Variants in RBFOX1 observed in about 807,000 individuals in gnomAD.
RBFOX1 encodes the protein RNA binding protein fox-1 homolog 1.
RBFOX1 carries 8 observed loss-of-function variants against 57.7 expected under a neutral mutation model. The ratio of observed to expected loss-of-function variants is 0.14; its 90% CI spans 0.08 to 0.25. RBFOX1 has a LOEUF of 0.25. Among genes scored for constraint, RBFOX1 ranks in the 10% least tolerant of loss-of-function variants. RBFOX1 has a pLI of 1.00. For synonymous variants in RBFOX1, 326 were observed against 222.4 expected (o/e 1.47, Z -4.15); for missense variants, 611 against 548.5 (o/e 1.11, Z -1.14).
chr16:5,470,360 C>T (rs549389513), intron 2 of RBFOX1, among the ~76,000 whole-genome samples: 1 of 152,324 alleles, frequency 6.6e-6, no homozygotes, highest in South Asian at 2.1e-4. Context: ...GGTATACCCC[C>T]TTTTCCCACT....
At chr16:7,057,023 A>C in intron 4 of RBFOX1, among the ~76,000 whole-genome samples, 1 of 144,432 alleles carries the variant, frequency 6.9e-6, no homozygotes, top group Admixed American at 6.8e-5. Flanking sequence ...ACTTCGTTAA[A>C]GCACTGAAAA....
chr16:7,515,761 G>C (rs557246972), intron 4 of RBFOX1, among the ~76,000 whole-genome samples: 1 of 152,294 alleles, frequency 6.6e-6, no homozygotes, highest in Non-Finnish European at 1.5e-5. Context: ...AAACCTCTCT[G>C]TTCCTCAGTT....
intron 1 of RBFOX1, among the ~76,000 whole-genome samples, chr16:5,423,827 G>T (rs55875013): frequency 0.31 from 47,741 of 151,986 alleles, 7,628 homozygotes; most frequent in Middle Eastern, 0.34. Context: ...AAGGGCTCTT[G>T]TTGTCTTCTC....
At chr16:6,088,099 G>A (rs1223873290) in intron 1 of RBFOX1, among the ~76,000 whole-genome samples, 2 of 152,122 alleles carry the variant, frequency 1.3e-5, no homozygotes, top group African/African-American at 2.4e-5. Context: ...GAGGTTCACC[G>A]TCTCGTTATT....
chr16:6,107,406 T>C (rs1051102231), intron 1 of RBFOX1, among the ~76,000 whole-genome samples: 3 of 152,108 alleles, frequency 2.0e-5, no homozygotes, highest in Admixed American at 2.0e-4. Flanking sequence ...GTACATATCT[T>C]TGTGTTTTTG....
At chr16:5,408,056 G>A (rs556883531) in intron 1 of RBFOX1, among the ~76,000 whole-genome samples, 8 of 150,308 alleles carry the variant, frequency 5.3e-5, no homozygotes, top group African/African-American at 2.0e-4. Context: ...AGGCTGATGT[G>A]TTTAATTCGG....
chr16:5,907,826 C>T (rs866623504), intron 4 of RBFOX1, among the ~76,000 whole-genome samples: 2 of 151,988 alleles, frequency 1.3e-5, no homozygotes, highest in Admixed American at 6.6e-5. Context: ...TCTCAGCTCA[C>T]TATAGCCTCT....
intron 4 of RBFOX1, among the ~76,000 whole-genome samples, chr16:7,405,299 C>A (rs12599082): frequency 0.054 from 8,189 of 152,250 alleles, 324 homozygotes; most frequent in East Asian, 0.18. Flanking sequence ...TCCTGGTAGC[C>A]CCCCCGCTGC....
rs113531024 is a variant in RBFOX1 at position 6,885,330 on chromosome 16, G to A, written c.-15-166727G>A. 5.9e-5 allele frequency among the ~76,000 whole-genome samples: 9 copies of A among 152,248 alleles called. 1 individual carries two copies. The highest frequency in any genetic ancestry group is 9.6e-5 in the African/African-American group (4 of 41,546). On this transcript the variant is annotated intron_variant, in intron 3 of 15. Transcript: ENST00000550418. The stretch of plus-strand genomic sequence containing the variant: ...AGGCAAACTGAGTCAGAAGCTCTAG[G>A]GTTTGGGTGTCTCTGATTTAAACAA...
At chr16:7,006,356 T>A (rs539570254) in intron 3 of RBFOX1, among the ~76,000 whole-genome samples, 2 of 152,252 alleles carry the variant, frequency 1.3e-5, no homozygotes, top group Admixed American at 1.3e-4. Flanking sequence ...GGTTTTATCA[T>A]GTTGGCCAGG....
chr16:7,671,506 T>C (rs1392997782), intron 13 of RBFOX1: 1 of 1,492,880 alleles, frequency 6.7e-7, no homozygotes, highest in African/African-American at 1.4e-5. Context: ...GCATTCTCTT[T>C]TATTTATTTC....
At chr16:6,782,646 C>T (rs531181087) in intron 3 of RBFOX1, among the ~76,000 whole-genome samples, 2 of 152,278 alleles carry the variant, frequency 1.3e-5, no homozygotes, top group East Asian at 1.9e-4. Context: ...TTCGGCCTAA[C>T]ATATGGTCTA....
At chr16:7,045,244 T>C (rs2047507934) in intron 3 of RBFOX1, among the ~76,000 whole-genome samples, 1 of 152,096 alleles carries the variant, frequency 6.6e-6, no homozygotes, top group Non-Finnish European at 1.5e-5. Context: ...GCAACCAGTT[T>C]ACTAATAATT....
At chr16:6,221,417 G>A (rs1040716815) in intron 1 of RBFOX1, among the ~76,000 whole-genome samples, 1 of 152,080 alleles carries the variant, frequency 6.6e-6, no homozygotes, top group African/African-American at 2.4e-5. Context: ...CAATTCAGCT[G>A]CCCAGATAAC....
chr16:5,416,828 A>G lies in RBFOX1; in HGVS notation c.220-50388A>G, dbSNP rs1340566244. Among the ~76,000 whole-genome samples the G allele has an allele frequency of 3.3e-5, 5 of 152,316 alleles. 1 individual carries two copies. The highest frequency in any genetic ancestry group is 2.4e-5 in the African/African-American group (1 of 41,580). On this transcript the variant is annotated intron_variant, in intron 1 of 2. Coordinates refer to the RBFOX1 transcript ENST00000585867. The stretch of plus-strand genomic sequence containing the variant: ...AAATTGAAGTTACTTGTTCTTATCT[A>G]CATTCAGTAAGAGGAGGGAAGTGTA...
intron 3 of RBFOX1, among the ~76,000 whole-genome samples, chr16:5,769,902 T>C (rs2053920438): frequency 6.6e-6 from 1 of 152,192 alleles, no homozygotes; most frequent in South Asian, 2.1e-4. Flanking sequence ...AGGAAATTCA[T>C]GCAGGATGTT....
intron 4 of RBFOX1, among the ~76,000 whole-genome samples, chr16:7,110,187 C>A (rs1327740376): frequency 4.6e-4 from 62 of 135,138 alleles, no homozygotes; most frequent in Admixed American, 8.2e-4. Context: ...CCCCGTGTCT[C>A]AAAAAAAAAA....
chr16:7,068,349 C>G (rs757871873), intron 4 of RBFOX1, among the ~76,000 whole-genome samples: 19 of 152,092 alleles, frequency 1.2e-4, no homozygotes, highest in Non-Finnish European at 2.5e-4. Flanking sequence ...CTGGGATGGT[C>G]CACCTCCATT....
At chr16:5,341,153 G>A (rs1472798279) in intron 1 of RBFOX1, among the ~76,000 whole-genome samples, 2 of 152,142 alleles carry the variant, frequency 1.3e-5, no homozygotes, top group Admixed American at 1.3e-4. Context: ...GGATGAGTAA[G>A]GGGGGAGTAG....
Sources: allele counts gnomAD v4.1 joint callset (sites outside exome capture counted in the v4.1 genomes callset), GRCh38; gene constraint gnomAD v4.1.1; transcripts MANE v1.5; gene names NCBI Gene and HGNC (gene_info 2026-07-23, HGNC 2026-07-21).